Variants in TMEM65 observed in about 807,000 individuals in gnomAD.
The protein encoded by TMEM65 is transmembrane protein 65.
A neutral mutation model predicts 25.4 loss-of-function variants in TMEM65; 22 were observed. That is an observed-to-expected ratio of 0.86 (90% confidence interval 0.62 to 1.23). The LOEUF (loss-of-function observed/expected upper bound fraction) is 1.23. Among genes scored for constraint, TMEM65 ranks in the 50% most tolerant of loss-of-function variants. The pLI is 0.00. For synonymous variants in TMEM65, 132 were observed against 126.2 expected (o/e 1.05, Z -0.31); for missense variants, 262 against 308.2 (o/e 0.85, Z 1.12).
At chr8:124,324,239 C>A (rs1319423078) in intron 3 of TMEM65, among the ~76,000 whole-genome samples, 2 of 151,928 alleles carry the variant, frequency 1.3e-5, no homozygotes, top group Non-Finnish European at 2.9e-5. Flanking sequence ...GGGAAAAAAA[C>A]GCCCTGTATT....
intron 1 of TMEM65, among the ~76,000 whole-genome samples, chr8:124,359,502 G>A (rs533677615): frequency 5.3e-4 from 80 of 152,272 alleles, no homozygotes; most frequent in Non-Finnish European, 1.1e-3. Context: ...AGCACATTGG[G>A]AGACCATGGC....
At chr8:124,365,836 T>G (rs1242661807) in intron 1 of TMEM65, among the ~76,000 whole-genome samples, 1 of 152,212 alleles carries the variant, frequency 6.6e-6, no homozygotes. Context: ...ATTTTAGTCC[T>G]TTAAGACTTA....
rs1815025289 is a variant in TMEM65 at position 124,372,087 on chromosome 8, G to A, written c.71C>T (p.Ala24Val). 2.7e-6 allele frequency: 3 copies of A among 1,107,764 alleles called. No individual in the cohort carries two copies. Among genetic ancestry groups the A allele is most frequent in the Admixed American group, 5.2e-5 (1 of 19,360 alleles). 68.6% of individuals were successfully genotyped at this position (1,107,764 alleles called of 1,614,324 possible). Residue 24 changes from alanine to valine, a missense_variant, in exon 1 of 7, where the codon GCC (alanine) becomes GTC (valine). Ala to Val is a moderately conservative substitution (Grantham distance 64). Coordinates refer to ENST00000297632, the MANE Select transcript of TMEM65 (RefSeq NM_194291.3). ...GCACCAGGACGGCGGGCGGGGCGCG[G>A]CGGCGGCGGCCGGGCCCGGCCTCAG... Reference protein sequence around the residue: ...RSLRPGPAAAAAPRPPSWCCC... With the variant: ...RSLRPGPAAAVAPRPPSWCCC...
intron 1 of TMEM65, among the ~76,000 whole-genome samples, chr8:124,369,362 G>A (rs753259444): frequency 2.0e-5 from 3 of 152,044 alleles, no homozygotes; most frequent in Non-Finnish European, 4.4e-5. Context: ...GAAAGATAAG[G>A]GCAAATGTGC....
At chr8:124,371,547 A>G (rs1815011609) in intron 1 of TMEM65, among the ~76,000 whole-genome samples, 2 of 152,204 alleles carry the variant, frequency 1.3e-5, no homozygotes, top group Middle Eastern at 3.2e-3. Context: ...TCAAAACTCA[A>G]TCCCAACAGC....
chr8:124,354,081 C>T (rs1407067111), intron 1 of TMEM65, among the ~76,000 whole-genome samples: 1 of 152,028 alleles, frequency 6.6e-6, no homozygotes, highest in African/African-American at 2.4e-5. Flanking sequence ...GAAATATATT[C>T]ATGAGGAAAG....
At chr8:124,340,006 T>A (rs1172045163) in intron 1 of TMEM65, among the ~76,000 whole-genome samples, 1 of 152,066 alleles carries the variant, frequency 6.6e-6, no homozygotes, top group Non-Finnish European at 1.5e-5. Flanking sequence ...ATGGGATGCA[T>A]TCTTTAACTG....
chr8:124,371,908 T>C lies in TMEM65; in HGVS notation c.250A>G (p.Arg84Gly). 1 of 1,548,252 alleles carries C rather than the reference T, an allele frequency of 6.5e-7. No individual in the cohort carries two copies. Among genetic ancestry groups the C allele is most frequent in the Non-Finnish European group, 8.7e-7 (1 of 1,151,406 alleles). Residue 84 changes from arginine to glycine, a missense_variant, in exon 1 of 7, where the codon AGG (arginine) becomes GGG (glycine). Arg to Gly is a moderately radical substitution (Grantham distance 125, BLOSUM62 -2). Coordinates refer to ENST00000297632, the MANE Select transcript of TMEM65 (RefSeq NM_194291.3). ...DFIYSLHSTE[R>G]SCLLKELHRF... is the part of the protein sequence containing the mutation. ...TGCAGCTCTTTGAGCAGGCAGCTCC[T>C]CTCCGTGGAGTGCAGGCTGTAGATG...
At chr8:124,347,890 CTTTTTT>C (rs10713773) in intron 1 of TMEM65, among the ~76,000 whole-genome samples, 1 of 117,336 alleles carries the variant, frequency 8.5e-6, no homozygotes. Flanking sequence ...AATAATTTTT[CTTTTTT>C]TTTTTTTTTT....
Position 124,309,866 on chromosome 8 carries a change from C to T in TMEM65, c.*4094G>A, listed in dbSNP as rs1327293713. On this transcript the variant is annotated 3_prime_UTR_variant, in exon 7 of 7. Coordinates refer to ENST00000297632, the MANE Select transcript of TMEM65 (RefSeq NM_194291.3). Reference sequence around the variant, plus strand: ...AGGAGTCTGAGGCCAGCCTGGCCAACATGGTGAAACCCCGTTTCTACTAAA... The same window carrying T: ...AGGAGTCTGAGGCCAGCCTGGCCAATATGGTGAAACCCCGTTTCTACTAAA... 6.6e-6 allele frequency: 1 copy of T among 152,224 alleles called. No individual in the cohort carries two copies. Among genetic ancestry groups the T allele is most frequent in the African/African-American group, 2.4e-5 (1 of 41,446 alleles). The allele number at this position is 152,224 out of a possible 1,614,324, so 9.4% of individuals were successfully genotyped here. A position where few individuals can be genotyped will look rare whatever the true frequency, so the allele number is the denominator to read the frequency against.
intron 6 of TMEM65, among the ~76,000 whole-genome samples, chr8:124,319,815 C>T (rs577721653): frequency 7.8e-4 from 118 of 152,190 alleles, no homozygotes; most frequent in African/African-American, 2.7e-3. Context: ...GTTTATTATT[C>T]GTTTTATGTT....
At chr8:124,353,874 A>C (rs1474835424) in intron 1 of TMEM65, among the ~76,000 whole-genome samples, 2 of 152,238 alleles carry the variant, frequency 1.3e-5, no homozygotes, top group Admixed American at 6.5e-5. Flanking sequence ...ATAGACTCAA[A>C]GTATCACTTC....
chr8:124,342,560 C>T (rs1314339842), intron 1 of TMEM65, among the ~76,000 whole-genome samples: 2 of 152,122 alleles, frequency 1.3e-5, no homozygotes, highest in Non-Finnish European at 2.9e-5. Flanking sequence ...AAGTGCTATG[C>T]ACCTGAATTA....
At chr8:124,351,272 C>T (rs1381035196) in intron 1 of TMEM65, among the ~76,000 whole-genome samples, 2 of 152,034 alleles carry the variant, frequency 1.3e-5, no homozygotes, top group African/African-American at 4.8e-5. Flanking sequence ...TAACTGATAA[C>T]GCAAACTTAA....
chr8:124,364,328 T>C (rs1245285427), intron 1 of TMEM65, among the ~76,000 whole-genome samples: 1 of 152,066 alleles, frequency 6.6e-6, no homozygotes, highest in Non-Finnish European at 1.5e-5. Context: ...CTACAAGGAA[T>C]GAATGAGAAT....
At chr8:124,354,988 G>T (rs539844758) in intron 1 of TMEM65, among the ~76,000 whole-genome samples, 2 of 151,964 alleles carry the variant, frequency 1.3e-5, no homozygotes, top group Non-Finnish European at 1.5e-5. Flanking sequence ...AAAAAAATTC[G>T]GTGGGAAAAA....
intron 4 of TMEM65, 66 bp from the exon 5 acceptor site, chr8:124,322,213 T>C: frequency 8.2e-7 from 1 of 1,224,132 alleles, no homozygotes. Context: ...ATGTAATCAA[T>C]AAAGCACTGA....
In TMEM65 at chr8:124,309,411, C is replaced by T. The variant is rs1364553582; in HGVS notation, c.*4549G>A. The T allele has an allele frequency of 6.6e-6, 1 of 152,186 alleles. No homozygotes were observed. The highest frequency in any genetic ancestry group is 1.5e-5 in the Non-Finnish European group (1 of 68,042). 9.4% of individuals were successfully genotyped at this position (152,186 alleles called of 1,614,324 possible). A position where few individuals can be genotyped will look rare whatever the true frequency, so the allele number is the denominator to read the frequency against. On this transcript the variant is annotated 3_prime_UTR_variant, in exon 7 of 7. Coordinates refer to ENST00000297632, the MANE Select transcript of TMEM65 (RefSeq NM_194291.3). ...TCCCCACACTTCTGTGCCATTTTCA[C>T]CTACTGCTGTCAGTAAACATGCAAG...
intron 1 of TMEM65, among the ~76,000 whole-genome samples, chr8:124,354,878 C>G (rs1286285450): frequency 6.6e-6 from 1 of 152,116 alleles, no homozygotes; most frequent in African/African-American, 2.4e-5. Flanking sequence ...ATATCAGAAA[C>G]TTATTATCCA....
Sources: gnomAD v4.1 joint callset for allele counts (sites outside exome capture counted in the v4.1 genomes callset) on GRCh38, gnomAD v4.1.1 for gene constraint, MANE v1.5 for transcripts, NCBI Gene and HGNC (gene_info 2026-07-23, HGNC 2026-07-21) for gene names.